Variants in KMT2C observed in about 807,000 individuals in gnomAD.
KMT2C encodes histone-lysine N-methyltransferase 2C.
A neutral mutation model predicts 507.9 loss-of-function variants in KMT2C; 88 were observed. The ratio of observed to expected loss-of-function variants is 0.17; its 90% CI spans 0.15 to 0.21. KMT2C has a LOEUF of 0.21. Ranked by LOEUF, KMT2C falls within the 10% of genes least tolerant of loss-of-function variation. KMT2C has a pLI of 1.00. For synonymous variants in KMT2C, 2,049 were observed against 2,080.8 expected, an observed-to-expected ratio of 0.98 and a Z score of 0.42; for missense variants, 4,954 against 5,957.8, an observed-to-expected ratio of 0.83 and a Z score of 5.55.
intron 1 of KMT2C, among the ~76,000 whole-genome samples, chr7:152,382,681 G>A (rs12164124): frequency 0.027 from 3,210 of 117,614 alleles, no homozygotes; most frequent in South Asian, 0.097. Context: ...GCAAGGAATA[G>A]GTAAATATAT....
At position 152,176,623 on chromosome 7, in the gene KMT2C, G is replaced by T; in HGVS notation, c.8830C>A (p.Pro2944Thr). The T allele has an allele frequency of 6.2e-7, 1 of 1,614,180 alleles. No individual in the cohort carries two copies. The highest frequency in any genetic ancestry group is 1.3e-5 in the African/African-American group (1 of 75,058). The change falls in exon 38 of 59, where the codon CCG (proline) becomes ACG (threonine). Residue 2944 changes from proline to threonine, a missense_variant. Coordinates refer to ENST00000262189, the MANE Select transcript of KMT2C (RefSeq NM_170606.3). ...GACACATGATTGGATGGGGAGGCCG[G>T]CAGAGTTGGTGGTGGTGGAGACCCC... ...PSGSPPPPTL[P>T]ASPSNHVSSL...
intron 38 of KMT2C, among the ~76,000 whole-genome samples, chr7:152,174,910 A>C (rs2093129592): frequency 6.6e-6 from 1 of 152,206 alleles, no homozygotes; most frequent in Non-Finnish European, 1.5e-5. Flanking sequence ...ATAGCAAAAA[A>C]TCGCCAAGCA....
intron 23 of KMT2C, among the ~76,000 whole-genome samples, chr7:152,210,673 G>A (rs2094435289): frequency 6.6e-6 from 1 of 151,856 alleles, no homozygotes; most frequent in African/African-American, 2.4e-5. Context: ...ATGAAAGACA[G>A]AGACCTGAGA....
At chr7:152,304,003 A>G (rs138141506) in intron 6 of KMT2C, among the ~76,000 whole-genome samples, 25 of 152,208 alleles carry the variant, frequency 1.6e-4, no homozygotes, top group African/African-American at 3.6e-4. Flanking sequence ...AACAAAAAAA[A>G]AGAGAGAGAA....
At chr7:152,247,027 A>T (rs2095484048) in intron 14 of KMT2C, among the ~76,000 whole-genome samples, 2 of 152,182 alleles carry the variant, frequency 1.3e-5, no homozygotes, top group Non-Finnish European at 2.9e-5. Flanking sequence ...TAAAAAGCCA[A>T]ACTTTAATCC....
At chr7:152,301,197 T>TA (rs71533557) in intron 6 of KMT2C, among the ~76,000 whole-genome samples, 1,470 of 132,546 alleles carry the variant, frequency 0.011, 13 homozygotes, top group Middle Eastern at 0.028. Context: ...CCCTGTCTCC[T>TA]AAAAAAAAAA....
At chr7:152,329,714 AAGAAGGGAGGGAG>A (rs893445134) in intron 3 of KMT2C, among the ~76,000 whole-genome samples, 2 of 149,966 alleles carry the variant, frequency 1.3e-5, no homozygotes, top group Non-Finnish European at 1.5e-5. Flanking sequence ...GAAGGAGGGA[AAGAAGGGAGGGAG>A]ACAGGTAAGG....
intron 9 of KMT2C, among the ~76,000 whole-genome samples, chr7:152,253,513 A>T (rs927051961): frequency 1.0e-4 from 13 of 124,320 alleles, no homozygotes; most frequent in African/African-American, 4.5e-4. Context: ...CTCTTTCTCT[A>T]CAAAAAAAAA....
Position 152,147,816 on chromosome 7 carries a change from G to A in KMT2C, c.13894+217C>T, listed in dbSNP as rs536946749. 2.3e-4 allele frequency among the ~76,000 whole-genome samples: 35 copies of A among 151,666 alleles called. 1 individual carries two copies. The highest frequency in any genetic ancestry group is 1.5e-5 in the Non-Finnish European group (1 of 67,978). On this transcript the variant is annotated intron_variant, in intron 52 of 58. Coordinates refer to ENST00000262189, the MANE Select transcript of KMT2C (RefSeq NM_170606.3). Reference sequence around the variant, plus strand: ...ATTCTCGGATTTACCTCACCAACTCGTATGTTCAAAGATATATTGATTATG... The same window carrying A: ...ATTCTCGGATTTACCTCACCAACTCATATGTTCAAAGATATATTGATTATG...
chr7:152,183,242 T>A, intron 34 of KMT2C, 86 bp from the exon 35 acceptor site: 5 of 1,137,282 alleles, frequency 4.4e-6, no homozygotes, highest in African/African-American at 1.6e-5. Flanking sequence ...CTTTCTCAAA[T>A]AAAAGAAAAA....
chr7:152,361,634 G>A (rs1024868917), intron 1 of KMT2C, among the ~76,000 whole-genome samples: 21 of 151,626 alleles, frequency 1.4e-4, no homozygotes, highest in African/African-American at 4.8e-4. Context: ...TGGAAAGAAG[G>A]GATAAGAAAA....
intron 44 of KMT2C, among the ~76,000 whole-genome samples, chr7:152,156,998 T>A (rs1403617396): frequency 2.0e-5 from 3 of 152,148 alleles, no homozygotes; most frequent in Non-Finnish European, 4.4e-5. Flanking sequence ...GCAAATCAAG[T>A]GCAAAGTCAA....
chr7:152,366,814 G>A, intron 1 of KMT2C: 1 of 226,562 alleles, frequency 4.4e-6, no homozygotes, highest in South Asian at 9.9e-5. Flanking sequence ...CTTCGGCCCG[G>A]CCGCCGCCGC....
rs1476047183 is a variant in KMT2C at position 152,416,478 on chromosome 7, G to A, written c.161+19148C>T. Among the ~76,000 whole-genome samples the A allele has an allele frequency of 2.0e-5, 3 of 151,882 alleles. No individual in the cohort carries two copies. In the South Asian group the frequency reaches 6.2e-4, roughly 31 times the overall value. Reference sequence around the variant, plus strand: ...GCAGGAGAATGGCGTGAACCCAGGAGGCGGAGTTTGCAGTGAGCCGAGATC... The same window carrying A: ...GCAGGAGAATGGCGTGAACCCAGGAAGCGGAGTTTGCAGTGAGCCGAGATC... On this transcript the variant is annotated intron_variant, in intron 1 of 58. Transcript: ENST00000262189.
intron 1 of KMT2C, among the ~76,000 whole-genome samples, chr7:152,435,314 G>A (rs1338165381): frequency 1.3e-5 from 2 of 152,074 alleles, no homozygotes; most frequent in Non-Finnish European, 2.9e-5. Flanking sequence ...CCAAGACGCG[G>A]CTACGAGAAA....
chr7:152,157,876 G>A, intron 44 of KMT2C: 1 of 1,338,964 alleles, frequency 7.5e-7, no homozygotes, highest in Non-Finnish European at 9.9e-7. Context: ...AAGAAAGTGC[G>A]CAAAGTTCAC....
intron 2 of KMT2C, among the ~76,000 whole-genome samples, chr7:152,350,663 T>C (rs1015323172): frequency 3.9e-5 from 6 of 152,326 alleles, no homozygotes; most frequent in Middle Eastern, 3.4e-3. Flanking sequence ...GGACTAGAAG[T>C]TGCTCTGGGT....
At chr7:152,178,960 C>T (rs1300485172) in intron 37 of KMT2C, among the ~76,000 whole-genome samples, 1 of 152,124 alleles carries the variant, frequency 6.6e-6, no homozygotes, top group Non-Finnish European at 1.5e-5. Flanking sequence ...AAGGGAAAGT[C>T]CTTTCAGTTC....
rs3778919 is a variant in KMT2C at position 152,144,294 on chromosome 7, A to G, written c.14343+419T>C. ...GATAGTCCACAGTCTACCAAAAAAC[A>G]TGCACTGATTTCATGAAACGGTAGC... On this transcript the variant is annotated intron_variant, in intron 55 of 58. Coordinates refer to ENST00000262189, the MANE Select transcript of KMT2C (RefSeq NM_170606.3). This position sits in a 1 kb window ranked among gnomAD's most constrained non-coding sequence, Gnocchi z 4.4. 0.11 allele frequency among the ~76,000 whole-genome samples: 17,295 copies of G among 152,232 alleles called. 2,259 individuals carry two copies. The highest frequency in any genetic ancestry group is 0.31 in the African/African-American group (13,044 of 41,484).
Sources: allele counts gnomAD v4.1 joint callset (sites outside exome capture counted in the v4.1 genomes callset), GRCh38; gene constraint gnomAD v4.1.1; non-coding constraint Gnocchi (gnomAD v3.1); transcripts MANE v1.5; gene names NCBI Gene and HGNC (gene_info 2026-07-23, HGNC 2026-07-21).